The following VPS52 variants were observed in gnomAD, a reference collection of about 807,000 sequenced individuals.
VPS52 encodes vacuolar protein sorting-associated protein 52 homolog.
Under a neutral mutation model 98.7 loss-of-function variants are expected in VPS52, and 56 were observed. The ratio of observed to expected loss-of-function variants is 0.57; its 90% CI spans 0.46 to 0.71. The LOEUF (loss-of-function observed/expected upper bound fraction) is 0.71, where lower values mean the gene tolerates loss of function less well. Ranked by LOEUF, VPS52 falls within the 30% of genes least tolerant of loss-of-function variation. The pLI is 0.00. For missense variants in VPS52, 742 were observed against 925.9 expected, an observed-to-expected ratio of 0.80 and a Z score of 2.58; for synonymous variants, 348 against 346.4, an observed-to-expected ratio of 1.00 and a Z score of -0.05.
chr6:33,264,377 G>C lies in VPS52; in HGVS notation c.1521C>G (p.His507Gln). The part of the protein sequence containing the change: ...QRLGGLDTRP[H>Q]YITRRYAEFS... Reference sequence around the variant, plus strand: ...TGTTACCCTTGCCCTCCCTCACATAGTGGGGCCGAGTATCCAACCCCCCTA... The same window carrying C: ...TGTTACCCTTGCCCTCCCTCACATACTGGGGCCGAGTATCCAACCCCCCTA... Residue 507 changes from histidine (H) to glutamine (Q), a missense_variant, in exon 14 of 20, where the codon CAC becomes CAG. His to Gln is a conservative substitution (Grantham distance 24). Around this residue, in one of 2 missense-constraint regions of VPS52, gnomAD observed 590 missense variants for 793.3 expected, o/e 0.74. Transcript: ENST00000445902. 6.2e-7 allele frequency: 1 copy of C among 1,614,080 alleles called. No homozygotes were observed. Among genetic ancestry groups the C allele is most frequent in the Middle Eastern group, 1.6e-4 (1 of 6,062 alleles).
intron 12 of VPS52, 122 bp downstream of exon 12, chr6:33,266,435 G>A: frequency 2.3e-6 from 3 of 1,330,638 alleles, no homozygotes; most frequent in Admixed American, 2.3e-5. Flanking sequence ...GCCCAGCCAA[G>A]GCTTAGACAT....
intron 13 of VPS52, 85 bp downstream of exon 13, chr6:33,264,697 A>G: frequency 7.0e-7 from 1 of 1,434,982 alleles, no homozygotes; most frequent in Non-Finnish European, 9.8e-7. Context: ...ATACCAGGTC[A>G]GTAGGAGTCT....
chr6:33,271,496 A>C (rs754851710), intron 1 of VPS52, 90 bp downstream of exon 1: 1 of 1,528,774 alleles, frequency 6.5e-7, no homozygotes, highest in African/African-American at 1.4e-5. Context: ...GTAGCAGCCA[A>C]GTTCCCACCC....
chr6:33,264,745 G>T lies in VPS52; in HGVS notation c.1400+37C>A, dbSNP rs6935726. 0.01 allele frequency: 16,583 copies of T among 1,579,742 alleles called. 932 individuals carry two copies. The African/African-American group carries it at 0.15, about 14-fold the overall frequency. ...GAGTCATGCAAGACCAAGAGAGTTC[G>T]TGGCCTGTTGGGCATCAAGGACCAG... is the stretch of plus-strand genomic sequence containing the variant. On this transcript the variant is annotated intron_variant, in intron 13 of 19. Transcript: ENST00000445902.
chr6:33,268,728 C>T lies in VPS52; in HGVS notation c.549-79G>A, dbSNP rs1764638703. 1.4e-6 allele frequency: 2 copies of T among 1,463,858 alleles called. No individual in the cohort carries two copies. The highest frequency in any genetic ancestry group is 1.8e-6 in the Non-Finnish European group (2 of 1,101,466). The allele number at this position is 1,463,858 out of a possible 1,614,324, so 90.7% of individuals were successfully genotyped here. On this transcript the variant is annotated intron_variant, in intron 6 of 19. Transcript: ENST00000445902. This position sits in a 1 kb window ranked among gnomAD's most constrained non-coding sequence, Gnocchi z 4.0. ...AACCAGACCCAGACCACACTCCTTA[C>T]CTCCAGCCCCTGTCATCTCTACCAC...
At chr6:33,256,178 G>T (rs886546322) in intron 17 of VPS52, among the ~76,000 whole-genome samples, 24 of 152,022 alleles carry the variant, frequency 1.6e-4, no homozygotes, top group African/African-American at 5.8e-4. Context: ...ATTTAAAAAG[G>T]TTATCAAAAG....
chr6:33,255,496 TG>T (rs1762829887), intron 17 of VPS52, among the ~76,000 whole-genome samples: 2 of 131,228 alleles, frequency 1.5e-5, no homozygotes, highest in African/African-American at 3.1e-5. Context: ...TTTAAAGAAA[TG>T]GGGTCTTAGC....
rs531203157 is a variant in VPS52 at position 33,264,837 on chromosome 6, T to G, written c.1345A>C (p.Ile449Leu). 1.4e-5 allele frequency: 22 copies of G among 1,612,874 alleles called. No individual in the cohort carries two copies. ...DAIAVFLCIH[I>L]VLRFRNIAAK... Reference sequence around the variant, plus strand: ...GCAATGTTACGGAACCGGAGAACAATGTGGATACAGAGAAAAACAGCAATG... The same window carrying G: ...GCAATGTTACGGAACCGGAGAACAAGGTGGATACAGAGAAAAACAGCAATG... The change falls in exon 13 of 20, where the codon ATT becomes CTT. Residue 449 changes from isoleucine to leucine, a missense_variant. By Grantham distance (5) the Ile-to-Leu change is conservative. Around this residue, in one of 2 missense-constraint regions of VPS52, gnomAD observed 590 missense variants for 793.3 expected, o/e 0.74. Transcript: ENST00000445902.
At chr6:33,256,917 A>G (rs1260983664) in intron 17 of VPS52, among the ~76,000 whole-genome samples, 1 of 152,006 alleles carries the variant, frequency 6.6e-6, no homozygotes, top group Non-Finnish European at 1.5e-5. Flanking sequence ...AACCATCCAC[A>G]TAAAAAAAAG....
At chr6:33,251,191 A>C (rs1762188428) in intron 19 of VPS52, among the ~76,000 whole-genome samples, 1 of 151,936 alleles carries the variant, frequency 6.6e-6, no homozygotes, top group Non-Finnish European at 1.5e-5. Flanking sequence ...CAAATACGAA[A>C]ATTAGCTGGT....
rs1271034687 is a variant in VPS52 at position 33,264,812 on chromosome 6, G to A, written c.1370C>T (p.Ala457Val). The change falls in exon 13 of 20, where the codon GCA (alanine) becomes GTA (valine). Residue 457 changes from alanine (A) to valine (V), a missense_variant. Ala to Val is a moderately conservative substitution (Grantham distance 64). Transcript: ENST00000445902. ...IHIVLRFRNIAAKRDVPALDR... is the reference protein window; with the variant it reads ...IHIVLRFRNIVAKRDVPALDR... Reference sequence around the variant, plus strand: ...CAGGGCAGGAACATCCCTCTTTGCTGCAATGTTACGGAACCGGAGAACAAT... The same window carrying A: ...CAGGGCAGGAACATCCCTCTTTGCTACAATGTTACGGAACCGGAGAACAAT... 2 of 1,613,122 alleles carry A rather than the reference G, an allele frequency of 1.2e-6. No individual in the cohort carries two copies. The highest frequency in any genetic ancestry group is 1.7e-6 in the Non-Finnish European group (2 of 1,180,028).
chr6:33,271,021 T>A (rs1764988145), intron 1 of VPS52: 1 of 180,424 alleles, frequency 5.5e-6, no homozygotes, highest in Non-Finnish European at 1.2e-5. Context: ...TTGCAGAGGA[T>A]AGAGCAGAAC....
intron 18 of VPS52, 105 bp from the exon 19 acceptor site, chr6:33,251,741 G>A (rs1762272690): frequency 4.3e-6 from 6 of 1,407,208 alleles, no homozygotes; most frequent in Non-Finnish European, 5.0e-6. Context: ...CCTCTTTTCT[G>A]GTATTCTCTC....
At chr6:33,264,581 T>C (rs554007400) in intron 13 of VPS52, 84 bp from the exon 14 acceptor site, 1 of 1,585,714 alleles carries the variant, frequency 6.3e-7, no homozygotes, top group African/African-American at 1.3e-5. Context: ...TTCAGTTTAA[T>C]GGTCAATAGC....
At chr6:33,260,871 C>T (rs148573233) in intron 17 of VPS52, among the ~76,000 whole-genome samples, 29 of 151,964 alleles carry the variant, frequency 1.9e-4, no homozygotes, top group South Asian at 8.3e-4. Context: ...CATGGTGGCA[C>T]GTGCCTGCAG....
chr6:33,263,627 TA>T, intron 16 of VPS52, 78 bp from the exon 17 acceptor site: 1 of 1,591,056 alleles, frequency 6.3e-7, no homozygotes, highest in Non-Finnish European at 8.6e-7. Flanking sequence ...ATTCCACACT[TA>T]TTGTACTAAG....
Position 33,267,649 on chromosome 6 carries a change from G to A in VPS52, c.991+33C>T. The stretch of plus-strand genomic sequence containing the variant: ...AGTCGAAAGTCCTCCCACTCTCAAG[G>A]CCTGGCATGAGGGTTCCCCAGTACT... On this transcript the variant is annotated intron_variant, in intron 10 of 19. Coordinates refer to ENST00000445902, the MANE Select transcript of VPS52 (RefSeq NM_022553.6). The surrounding 1 kb of genome is among the most constrained non-coding windows in gnomAD (Gnocchi z 4.2). 1 of 1,611,970 alleles carries A rather than the reference G, an allele frequency of 6.2e-7. No individual in the cohort carries two copies. Among genetic ancestry groups the A allele is most frequent in the Non-Finnish European group, 8.5e-7 (1 of 1,179,206 alleles).
At position 33,263,414 on chromosome 6, in the gene VPS52, C is replaced by CACACACACACACAGAGAG. The variant is rs142124369; in HGVS notation, c.1794+69_1794+70insCTCTCTGTGTGTGTGTGT. 1,908 of 973,280 alleles carry CACACACACACACAGAGAG rather than the reference C, an allele frequency of 2.0e-3. 2 individuals are homozygous for CACACACACACACAGAGAG. The highest frequency in any genetic ancestry group is 5.2e-3 in the South Asian group (340 of 64,846). 60.3% of individuals were successfully genotyped at this position (973,280 alleles called of 1,614,324 possible). A position where few individuals can be genotyped will look rare whatever the true frequency, so the allele number is the denominator to read the frequency against. ...ACACACACACACACACACACACACA[C>CACACACACACACAGAGAG]AGAGAGAGAGAGAGAGAGAGCTGAA... On this transcript the variant is annotated intron_variant, in intron 17 of 19. Transcript: ENST00000445902.
In VPS52 at chr6:33,269,482, T is replaced by C; in HGVS notation, c.372+8A>G. 1 of 1,613,288 alleles carries C rather than the reference T, an allele frequency of 6.2e-7. No homozygotes were observed. The highest frequency in any genetic ancestry group is 8.5e-7 in the Non-Finnish European group (1 of 1,180,008). Reference sequence around the variant, plus strand: ...AGCTATTAGGGGTCACAGGTCATGATTACTAACCTCCAGGACAGCATCACA... The same window carrying C: ...AGCTATTAGGGGTCACAGGTCATGACTACTAACCTCCAGGACAGCATCACA... On this transcript the variant is annotated splice_region_variant and intron_variant, in intron 5 of 19. Coordinates refer to ENST00000445902, the MANE Select transcript of VPS52 (RefSeq NM_022553.6).
Sources: gnomAD v4.1 joint callset for allele counts (sites outside exome capture counted in the v4.1 genomes callset) on GRCh38, gnomAD v4.1.1 for gene constraint, gnomAD v4.1.1 regional missense constraint, Gnocchi (gnomAD v3.1) non-coding constraint, MANE v1.5 for transcripts, NCBI Gene and HGNC (gene_info 2026-07-23, HGNC 2026-07-21) for gene names.